MACROD2: variants seen among roughly 807,000 people sequenced by gnomAD.
MACROD2 encodes the protein mono-ADP ribosylhydrolase 2.
A neutral mutation model predicts 70.4 loss-of-function variants in MACROD2; 36 were observed. The observed-to-expected ratio is 0.51, with a 90% confidence interval of 0.39 to 0.68. The LOEUF is 0.68. MACROD2 is among the 30% of genes least tolerant of loss of function. The probability of loss-of-function intolerance (pLI) is 0.00; values close to 1 mark genes in which losing one functional copy is unlikely to be tolerated. For synonymous variants in MACROD2, 172 were observed against 178.8 expected, an observed-to-expected ratio of 0.96 and a Z score of 0.30; for missense variants, 496 against 538.4, an observed-to-expected ratio of 0.92 and a Z score of 0.78.
chr20:14,245,465 G>A (rs144383565), intron 3 of MACROD2, among the ~76,000 whole-genome samples: 9 of 152,188 alleles, frequency 5.9e-5, no homozygotes, highest in Non-Finnish European at 1.2e-4. Flanking sequence ...ATTCTTCAGT[G>A]GAGAAACTTG....
intron 6 of MACROD2, among the ~76,000 whole-genome samples, chr20:15,245,400 G>GA (rs374342756): frequency 6.6e-6 from 1 of 152,010 alleles, no homozygotes; most frequent in Non-Finnish European, 1.5e-5. Flanking sequence ...ATTTCTATTA[G>GA]AAAAAAAATC....
At chr20:15,739,879 G>A (rs1188355422) in intron 8 of MACROD2, among the ~76,000 whole-genome samples, 1 of 152,208 alleles carries the variant, frequency 6.6e-6, no homozygotes, top group African/African-American at 2.4e-5. Flanking sequence ...TGCCTTCAAG[G>A]ACTGATGTAA....
At chr20:15,700,397 T>C (rs2050440028) in intron 8 of MACROD2, among the ~76,000 whole-genome samples, 1 of 152,186 alleles carries the variant, frequency 6.6e-6, no homozygotes, top group African/African-American at 2.4e-5. Context: ...TCTGTTCCCT[T>C]GGGGCGTGGA....
intron 5 of MACROD2, among the ~76,000 whole-genome samples, chr20:15,093,160 A>G (rs574795243): frequency 3.4e-4 from 51 of 152,230 alleles, no homozygotes; most frequent in African/African-American, 1.2e-3. Context: ...AATCTCCCCA[A>G]ATTATCTCCC....
intron 15 of MACROD2, among the ~76,000 whole-genome samples, chr20:16,010,240 A>T (rs1217348027): frequency 6.6e-6 from 1 of 152,136 alleles, no homozygotes; most frequent in Non-Finnish European, 1.5e-5. Context: ...CATGTGGGTT[A>T]CCTGTACAGC....
intron 3 of MACROD2, among the ~76,000 whole-genome samples, chr20:14,210,876 C>T (rs141618388): frequency 4.1e-4 from 62 of 152,156 alleles, no homozygotes; most frequent in African/African-American, 7.7e-4. Flanking sequence ...GGCTGATTGG[C>T]GACTCTGGAA....
chr20:15,129,256 C>T (rs1391300574), intron 5 of MACROD2, among the ~76,000 whole-genome samples: 1 of 151,954 alleles, frequency 6.6e-6, no homozygotes, highest in African/African-American at 2.4e-5. Context: ...TTGTATTATA[C>T]TTTTCATCCT....
At chr20:14,954,311 AT>A (rs959382612) in intron 5 of MACROD2, among the ~76,000 whole-genome samples, 1 of 151,598 alleles carries the variant, frequency 6.6e-6, no homozygotes, top group Non-Finnish European at 1.5e-5. Context: ...TCCAAAATGT[AT>A]TTACCACATT....
intron 5 of MACROD2, among the ~76,000 whole-genome samples, chr20:14,762,894 C>A (rs1434372244): frequency 6.6e-6 from 1 of 152,032 alleles, no homozygotes; most frequent in Non-Finnish European, 1.5e-5. Context: ...TGCGCCACTG[C>A]ACTCCAGCAT....
intron 8 of MACROD2, among the ~76,000 whole-genome samples, chr20:15,594,231 CCTTTTTT>C (rs1475313611): frequency 6.6e-6 from 1 of 152,110 alleles, no homozygotes; most frequent in African/African-American, 2.4e-5. Flanking sequence ...TTTTTCCTTT[CCTTTTTT>C]CTTTTTTCCC....
chr20:14,035,177 A>G (rs2053292714), intron 2 of MACROD2, among the ~76,000 whole-genome samples: 1 of 152,174 alleles, frequency 6.6e-6, no homozygotes, highest in Non-Finnish European at 1.5e-5. Flanking sequence ...AAGTATTTTT[A>G]TAGCTTTGTA....
intron 8 of MACROD2, among the ~76,000 whole-genome samples, chr20:15,689,228 TG>T (rs2050267477): frequency 6.6e-6 from 1 of 151,388 alleles, no homozygotes; most frequent in African/African-American, 2.4e-5. Context: ...TGCTTGAACC[TG>T]GGGGGTGGAG....
At chr20:15,259,220 A>C (rs533820853) in intron 6 of MACROD2, among the ~76,000 whole-genome samples, 1 of 152,158 alleles carries the variant, frequency 6.6e-6, no homozygotes, top group African/African-American at 2.4e-5. Flanking sequence ...GAGCAATAGC[A>C]TATGAGACAG....
At chr20:14,394,395 T>G (rs1389164335) in intron 3 of MACROD2, among the ~76,000 whole-genome samples, 1 of 152,226 alleles carries the variant, frequency 6.6e-6, no homozygotes, top group Non-Finnish European at 1.5e-5. Flanking sequence ...AGGTTTTTAT[T>G]CAATGTTAAA....
chr20:14,145,581 C>T (rs2054933778), intron 3 of MACROD2, among the ~76,000 whole-genome samples: 1 of 152,090 alleles, frequency 6.6e-6, no homozygotes. Flanking sequence ...TGGTAAAGCC[C>T]TAGGTAATAG....
At chr20:14,732,855 CTTG>C (rs2071615481) in intron 5 of MACROD2, among the ~76,000 whole-genome samples, 1 of 152,060 alleles carries the variant, frequency 6.6e-6, no homozygotes, top group Non-Finnish European at 1.5e-5. Flanking sequence ...ACTTTGTCCT[CTTG>C]TTAAGGAATG....
At chr20:14,614,509 C>T (rs145819211) in intron 4 of MACROD2, among the ~76,000 whole-genome samples, 11 of 152,142 alleles carry the variant, frequency 7.2e-5, no homozygotes, top group African/African-American at 1.9e-4. Context: ...GAACGATGGC[C>T]GTAAATGGCT....
intron 3 of MACROD2, among the ~76,000 whole-genome samples, chr20:14,473,384 T>C (rs1463799994): frequency 6.6e-6 from 1 of 152,208 alleles, no homozygotes; most frequent in Non-Finnish European, 1.5e-5. Context: ...AGATTTCACA[T>C]ATACGTGAGG....
chr20:15,809,419 G>A (rs1254425876), intron 8 of MACROD2, among the ~76,000 whole-genome samples: 1 of 152,190 alleles, frequency 6.6e-6, no homozygotes, highest in Non-Finnish European at 1.5e-5. Flanking sequence ...CGGTTCTGCA[G>A]GCTGTACAAG....
Sources: gnomAD v4.1 joint callset for allele counts (sites outside exome capture counted in the v4.1 genomes callset) on GRCh38, gnomAD v4.1.1 for gene constraint, MANE v1.5 for transcripts, NCBI Gene and HGNC (gene_info 2026-07-23, HGNC 2026-07-21) for gene names.